NRG3: variants seen among roughly 807,000 people sequenced by gnomAD.
NRG3 encodes neuregulin 3.
In NRG3, 31 loss-of-function variants were observed where a neutral mutation model predicts 66.9. That is an observed-to-expected ratio of 0.46 (90% confidence interval 0.35 to 0.63). The LOEUF is 0.63. Among genes scored for constraint, NRG3 ranks in the 20% least tolerant of loss-of-function variants. The pLI is 0.00. For missense variants in NRG3, 910 were observed against 878.9 expected, an observed-to-expected ratio of 1.04 and a Z score of -0.45; for synonymous variants, 393 against 359.4, an observed-to-expected ratio of 1.09 and a Z score of -1.06.
chr10:82,326,419 G>A (rs1036437363), intron 1 of NRG3, among the ~76,000 whole-genome samples: 10 of 151,650 alleles, frequency 6.6e-5, no homozygotes, highest in African/African-American at 2.2e-4. Context: ...GGAATTTGTC[G>A]AGCTTCTCAA....
chr10:82,795,793 GT>G, intron 3 of NRG3, among the ~76,000 whole-genome samples: 1 of 152,202 alleles, frequency 6.6e-6, no homozygotes, highest in East Asian at 1.9e-4. Context: ...AGGAAAGATT[GT>G]TTTGTTTGGG....
chr10:81,962,467 C>G lies in NRG3; in HGVS notation c.823+86304C>G, dbSNP rs142808523. 9.1e-3 allele frequency among the ~76,000 whole-genome samples: 1,380 copies of G among 152,234 alleles called. 16 individuals are homozygous for G. Among genetic ancestry groups the G allele is most frequent in the Non-Finnish European group, 0.011 (738 of 68,012 alleles). ...CCTGAGCTTTGGAGTTGACACTTTT[C>G]TGACAAAAGAATGTGATTTACTTAT... is the stretch of plus-strand genomic sequence containing the variant. On this transcript the variant is annotated intron_variant, in intron 1 of 8. Coordinates refer to ENST00000372141, the MANE Select transcript of NRG3 (RefSeq NM_001010848.4).
At chr10:82,913,342 A>T (rs2131990673) in intron 4 of NRG3, among the ~76,000 whole-genome samples, 1 of 152,348 alleles carries the variant, frequency 6.6e-6, no homozygotes, top group Non-Finnish European at 1.5e-5. Context: ...GTTCAAATAA[A>T]AATAAGAAAA....
intron 2 of NRG3, among the ~76,000 whole-genome samples, chr10:82,500,331 G>A (rs1844048794): frequency 1.3e-5 from 2 of 152,080 alleles, no homozygotes; most frequent in Non-Finnish European, 2.9e-5. Flanking sequence ...TCACATAAAC[G>A]TAAAAACCAG....
chr10:82,618,832 TATA>T (rs1279499609), intron 2 of NRG3, among the ~76,000 whole-genome samples: 2 of 152,098 alleles, frequency 1.3e-5, no homozygotes, highest in Non-Finnish European at 2.9e-5. Flanking sequence ...TATTAAATGA[TATA>T]ATGCAAATTT....
intron 2 of NRG3, among the ~76,000 whole-genome samples, chr10:82,735,006 C>CGAA (rs2058084912): frequency 7.8e-6 from 1 of 128,526 alleles, no homozygotes. Context: ...GACTCTGCCT[C>CGAA]AAAAAAAAAA....
chr10:82,280,531 A>G (rs1207963250), intron 1 of NRG3, among the ~76,000 whole-genome samples: 1 of 152,200 alleles, frequency 6.6e-6, no homozygotes, highest in African/African-American at 2.4e-5. Context: ...AATACTTTAG[A>G]ACATGACTGA....
intron 2 of NRG3, among the ~76,000 whole-genome samples, chr10:82,541,349 C>T (rs959935626): frequency 2.0e-5 from 3 of 152,190 alleles, no homozygotes; most frequent in South Asian, 2.1e-4. Context: ...CCTCGGACAC[C>T]GAGTTGTGGA....
intron 1 of NRG3, among the ~76,000 whole-genome samples, chr10:82,257,640 G>T (rs765443210): frequency 6.6e-6 from 1 of 152,012 alleles, no homozygotes; most frequent in African/African-American, 2.4e-5. Context: ...GGTGGTGGGC[G>T]CCTGTAATCC....
At chr10:82,296,013 A>G (rs2134680337) in intron 1 of NRG3, among the ~76,000 whole-genome samples, 1 of 152,286 alleles carries the variant, frequency 6.6e-6, no homozygotes, top group Non-Finnish European at 1.5e-5. Context: ...TATGCATATA[A>G]TGGTAGCTTT....
chr10:82,131,481 GT>G (rs201212496), intron 1 of NRG3, among the ~76,000 whole-genome samples: 1 of 151,618 alleles, frequency 6.6e-6, no homozygotes, highest in East Asian at 2.0e-4. Context: ...GATTCCTCCA[GT>G]TTTTTTCTTT....
intron 3 of NRG3, among the ~76,000 whole-genome samples, chr10:82,758,038 C>A (rs185790013): frequency 2.0e-5 from 3 of 152,070 alleles, no homozygotes; most frequent in African/African-American, 7.2e-5. Flanking sequence ...ATGTGAATTG[C>A]AATTATTTCA....
chr10:82,406,252 C>G (rs2087512176), intron 2 of NRG3, among the ~76,000 whole-genome samples: 1 of 152,150 alleles, frequency 6.6e-6, no homozygotes, highest in Admixed American at 6.6e-5. Flanking sequence ...CACATCTTTT[C>G]CATTGTTCGT....
chr10:82,478,932 T>TTA (rs1842008383), intron 2 of NRG3, among the ~76,000 whole-genome samples: 1 of 152,238 alleles, frequency 6.6e-6, no homozygotes, highest in African/African-American at 2.4e-5. Flanking sequence ...TTTGACTCTA[T>TTA]CTGCTTTTTA....
chr10:82,214,158 G>A (rs1404129251), intron 1 of NRG3, among the ~76,000 whole-genome samples: 6 of 152,114 alleles, frequency 3.9e-5, no homozygotes, highest in African/African-American at 1.2e-4. Flanking sequence ...GTAGTATGTC[G>A]TAGCCCATTA....
chr10:82,982,266 T>G (rs1186057823), intron 8 of NRG3, among the ~76,000 whole-genome samples: 1 of 152,216 alleles, frequency 6.6e-6, no homozygotes, highest in Non-Finnish European at 1.5e-5. Flanking sequence ...TTAGCCTGAC[T>G]CATGAATGAC....
chr10:82,550,104 C>T (rs2044204391), intron 2 of NRG3, among the ~76,000 whole-genome samples: 1 of 152,122 alleles, frequency 6.6e-6, no homozygotes, highest in African/African-American at 2.4e-5. Context: ...CTGTGAGTTT[C>T]CTCTAGTTCA....
At chr10:82,671,036 C>T (rs1318551694) in intron 2 of NRG3, among the ~76,000 whole-genome samples, 1 of 152,160 alleles carries the variant, frequency 6.6e-6, no homozygotes, top group Admixed American at 6.5e-5. Flanking sequence ...AACCTTCCCC[C>T]TTAGGTGGAA....
intron 2 of NRG3, among the ~76,000 whole-genome samples, chr10:82,466,639 G>A (rs115489981): frequency 0.023 from 3,557 of 152,272 alleles, 126 homozygotes; most frequent in African/African-American, 0.075. Context: ...GATGAATGGA[G>A]ATCCAGCAGG....
Sources: allele counts gnomAD v4.1 joint callset (sites outside exome capture counted in the v4.1 genomes callset), GRCh38; gene constraint gnomAD v4.1.1; transcripts MANE v1.5; gene names NCBI Gene and HGNC (gene_info 2026-07-23, HGNC 2026-07-21).